Variants in KLRF1 observed in about 807,000 individuals in gnomAD.
The protein encoded by KLRF1 is killer cell lectin-like receptor subfamily F member 1.
A neutral mutation model predicts 30.7 loss-of-function variants in KLRF1; 27 were observed. The ratio of observed to expected loss-of-function variants is 0.88; its 90% CI spans 0.65 to 1.21. The LOEUF is 1.21. Among genes scored for constraint, KLRF1 ranks in the 50% most tolerant of loss-of-function variants. KLRF1 has a pLI of 0.00. For missense variants in KLRF1, 246 were observed against 259.3 expected, an observed-to-expected ratio of 0.95 and a Z score of 0.35; for synonymous variants, 92 against 89.3, an observed-to-expected ratio of 1.03 and a Z score of -0.17.
At chr12:9,840,661 C>T (rs1194365916) in intron 3 of KLRF1, among the ~76,000 whole-genome samples, 1 of 152,066 alleles carries the variant, frequency 6.6e-6, no homozygotes, top group African/African-American at 2.4e-5. Context: ...AAGGGATACA[C>T]ATACAAAACT....
At chr12:9,832,660 T>A (rs960508567) in intron 2 of KLRF1, among the ~76,000 whole-genome samples, 5 of 129,644 alleles carry the variant, frequency 3.9e-5, no homozygotes, top group South Asian at 2.2e-4. Context: ...GTGTAGAGTG[T>A]GTGTGTGTGT....
rs1327698828 is a variant in KLRF1, at chr12:9,844,911, A to G, written c.*385A>G. On this transcript the variant is annotated 3_prime_UTR_variant, in exon 6 of 6. Transcript: ENST00000617889. ...GTTGAATTATAATGTGGGTTTATAC[A>G]TTTTTTACCCTTTTGTCAAAGAGAA... 1 of 152,962 alleles carries G rather than the reference A, an allele frequency of 6.5e-6. No individual in the cohort carries two copies. Among genetic ancestry groups the G allele is most frequent in the Non-Finnish European group, 1.5e-5 (1 of 68,538 alleles). The allele number at this position is 152,962 out of a possible 1,614,324, so 9.5% of individuals were successfully genotyped here.
chr12:9,829,178 A>G (rs1867352468), intron 1 of KLRF1, among the ~76,000 whole-genome samples: 1 of 152,200 alleles, frequency 6.6e-6, no homozygotes, highest in South Asian at 2.1e-4. Flanking sequence ...CCCACTATAC[A>G]TATGTAGTAG....
upstream of KLRF1, among the ~76,000 whole-genome samples, chr12:9,826,407 AG>A (rs761847228): frequency 4.7e-4 from 72 of 152,336 alleles, no homozygotes; most frequent in African/African-American, 1.7e-3. Flanking sequence ...AGTGGAGAAA[AG>A]GGTTCACTTA....
chr12:9,814,272 A>T, the KLRF1 span, among the ~76,000 whole-genome samples: 2 of 152,056 alleles, frequency 1.3e-5, no homozygotes, highest in East Asian at 3.9e-4. Flanking sequence ...ACTGACAGCC[A>T]CCCCGACTCC....
chr12:9,802,361 C>A, the KLRF1 span, among the ~76,000 whole-genome samples: 1 of 151,956 alleles, frequency 6.6e-6, no homozygotes, highest in Non-Finnish European at 1.5e-5. Flanking sequence ...TTATTTATGA[C>A]AAACCCACAG....
Position 9,842,395 on chromosome 12 carries a change from A to C in KLRF1, c.549A>C (p.Thr183=). ...TTAACTTTACCTCCTTGAAAATGACATGGACTTGGGTGGATGGTTCTCCAA... is the reference window on the plus strand; with the variant it reads ...TTAACTTTACCTCCTTGAAAATGACCTGGACTTGGGTGGATGGTTCTCCAA... The part of the protein sequence containing the change: ...IGLNFTSLKM[T]WTWVDGSPID... The change falls in exon 5 of 6, where the codon ACA becomes ACC. Residue 183 remains threonine, a synonymous_variant. Transcript: ENST00000617889. The C allele has an allele frequency of 6.2e-7, 1 of 1,612,502 alleles. No individual in the cohort carries two copies.
At chr12:9,818,776 T>C in the KLRF1 span, among the ~76,000 whole-genome samples, 1 of 152,204 alleles carries the variant, frequency 6.6e-6, no homozygotes, top group Non-Finnish European at 1.5e-5. Flanking sequence ...AAAAAAATTG[T>C]CAGTATTTTT....
chr12:9,800,511 C>A, the KLRF1 span, among the ~76,000 whole-genome samples: 1 of 151,866 alleles, frequency 6.6e-6, no homozygotes, highest in African/African-American at 2.4e-5. Context: ...TCACTCTGTG[C>A]GCCTTTGTAT....
rs143574502 is a variant in KLRF1 at position 9,830,638 on chromosome 12, T to C, written c.86-1678T>C. Among the ~76,000 whole-genome samples, 397 of 150,038 alleles carry C rather than the reference T, an allele frequency of 2.6e-3. 2 individuals are homozygous for C. The highest frequency in any genetic ancestry group is 9.1e-3 in the African/African-American group (364 of 40,206). ...ATTTCATTTTTTACATCTATTGAGA[T>C]GATGATAGATTTTTTTCCTTAGCTT... is the stretch of plus-strand genomic sequence containing the variant. On this transcript the variant is annotated intron_variant, in intron 1 of 5. Coordinates refer to ENST00000617889, the MANE Select transcript of KLRF1 (RefSeq NM_016523.3).
chr12:9,828,652 A>C (rs1867338733), intron 1 of KLRF1, among the ~76,000 whole-genome samples: 1 of 152,114 alleles, frequency 6.6e-6, no homozygotes, highest in Non-Finnish European at 1.5e-5. Flanking sequence ...CACCCATGAA[A>C]ATTTTACTTA....
the KLRF1 span, among the ~76,000 whole-genome samples, chr12:9,816,313 T>C: frequency 3.3e-5 from 5 of 152,326 alleles, no homozygotes; most frequent in African/African-American, 1.2e-4. Context: ...AATTATTAGG[T>C]GTACTAGTAC....
chr12:9,835,854 T>G (rs1360467747), intron 3 of KLRF1, among the ~76,000 whole-genome samples: 1 of 151,538 alleles, frequency 6.6e-6, no homozygotes, highest in Non-Finnish European at 1.5e-5. Context: ...AGGAGAAAGG[T>G]TTTTTAAGTA....
chr12:9,802,421 C>A, the KLRF1 span, among the ~76,000 whole-genome samples: 3 of 151,882 alleles, frequency 2.0e-5, no homozygotes, highest in African/African-American at 7.3e-5. Context: ...CTTTGAAAAC[C>A]GGCACAAGAC....
intron 3 of KLRF1, among the ~76,000 whole-genome samples, chr12:9,836,031 G>T (rs774536876): frequency 6.6e-6 from 1 of 152,060 alleles, no homozygotes; most frequent in Non-Finnish European, 1.5e-5. Flanking sequence ...TAAGGTGGGG[G>T]CAGCTGTGTA....
chr12:9,836,760 A>C (rs1867586969), intron 3 of KLRF1, among the ~76,000 whole-genome samples: 1 of 152,014 alleles, frequency 6.6e-6, no homozygotes, highest in Non-Finnish European at 1.5e-5. Context: ...AAACTAATAG[A>C]TATTGTAGCT....
the KLRF1 span, among the ~76,000 whole-genome samples, chr12:9,811,733 G>A: frequency 1.3e-5 from 2 of 152,124 alleles, no homozygotes; most frequent in African/African-American, 2.4e-5. Context: ...TGCAGCTTTC[G>A]GGAAAATCCG....
At chr12:9,818,602 T>G in the KLRF1 span, among the ~76,000 whole-genome samples, 1 of 152,208 alleles carries the variant, frequency 6.6e-6, no homozygotes, top group Non-Finnish European at 1.5e-5. Context: ...CCAAGCAGCA[T>G]CTAGTCCAAG....
intron 1 of KLRF1, among the ~76,000 whole-genome samples, chr12:9,829,380 A>AT (rs1287795298): frequency 6.6e-6 from 1 of 152,120 alleles, no homozygotes; most frequent in Non-Finnish European, 1.5e-5. Flanking sequence ...CCTTTTCTTC[A>AT]TTTTTTATGG....
Sources: allele counts gnomAD v4.1 joint callset (sites outside exome capture counted in the v4.1 genomes callset), GRCh38; gene constraint gnomAD v4.1.1; transcripts MANE v1.5; gene names NCBI Gene and HGNC (gene_info 2026-07-23, HGNC 2026-07-21).